The following TRAPPC9 variants were observed in gnomAD, a reference collection of about 807,000 sequenced individuals.
The protein encoded by TRAPPC9 is trafficking protein particle complex subunit 9.
Under a neutral mutation model 124.0 loss-of-function variants are expected in TRAPPC9, and 83 were observed. That is an observed-to-expected ratio of 0.67 (90% CI 0.56 to 0.80). The LOEUF (loss-of-function observed/expected upper bound fraction) is 0.80, where lower values mean the gene tolerates loss of function less well. Among genes scored for constraint, TRAPPC9 ranks in the 30% least tolerant of loss-of-function variants. The pLI, the probability that TRAPPC9 is intolerant of heterozygous loss-of-function variation, is 0.00. For missense variants in TRAPPC9, 1,302 were observed against 1,508.3 expected (o/e 0.86, Z 2.27); for synonymous variants, 638 against 617.5 (o/e 1.03, Z -0.49).
chr8:139,845,754 T>C (rs1160448952), intron 21 of TRAPPC9, among the ~76,000 whole-genome samples: 1 of 152,356 alleles, frequency 6.6e-6, no homozygotes, highest in East Asian at 1.9e-4. Context: ...TGCCTCTCGA[T>C]TTTAATGTGA....
In TRAPPC9 at chr8:139,835,812, G is replaced by A. The variant is rs184446161; in HGVS notation, c.3055+50067C>T. Among the ~76,000 whole-genome samples the A allele has an allele frequency of 9.2e-5, 14 of 151,960 alleles. No homozygotes were observed. The South Asian group carries it at 1.2e-3, about 14-fold the overall frequency. ...CTTCCCTAGAAAGCCCACAGAATCC[G>A]TTACAAAAAGGATGAGGCTCCGAGG... On this transcript the variant is annotated intron_variant, in intron 21 of 22. Transcript: ENST00000438773.
intron 12 of TRAPPC9, 115 bp from the exon 13 acceptor site, chr8:140,287,849 C>A: frequency 6.9e-7 from 1 of 1,441,860 alleles, no homozygotes; most frequent in East Asian, 2.3e-5. Context: ...AATAAAATCA[C>A]CAACAGTCTT....
At chr8:140,413,111 G>A (rs765444990) in intron 5 of TRAPPC9, among the ~76,000 whole-genome samples, 6 of 152,116 alleles carry the variant, frequency 3.9e-5, no homozygotes, top group Non-Finnish European at 8.8e-5. Context: ...CACCCGGGTC[G>A]GGCACGGTGG....
chr8:140,098,321 G>A (rs2060494805), intron 17 of TRAPPC9: 1 of 151,514 alleles, frequency 6.6e-6, no homozygotes, highest in Non-Finnish European at 1.5e-5. Flanking sequence ...ACCCAGCTAG[G>A]TCTCCGTGCG....
At chr8:139,804,305 ACCACCACCAC>A in intron 21 of TRAPPC9, among the ~76,000 whole-genome samples, 1 of 111,144 alleles carries the variant, frequency 9.0e-6, no homozygotes, top group African/African-American at 3.6e-5. Flanking sequence ...ACCACACACA[ACCACCACCAC>A]CCACCACCGC....
chr8:140,441,015 G>A (rs574956147), intron 2 of TRAPPC9, among the ~76,000 whole-genome samples: 4 of 103,110 alleles, frequency 3.9e-5, no homozygotes, highest in Non-Finnish European at 5.5e-5. Flanking sequence ...GTCTTATTCT[G>A]CTGCCCAGGC....
chr8:140,137,455 C>CTCACGT (rs2061322628), intron 17 of TRAPPC9, among the ~76,000 whole-genome samples: 2 of 151,638 alleles, frequency 1.3e-5, no homozygotes, highest in Admixed American at 1.3e-4. Flanking sequence ...CACTCTGGAG[C>CTCACGT]GGGTAGTGAG....
chr8:139,840,522 C>G (rs540910920), intron 21 of TRAPPC9, among the ~76,000 whole-genome samples: 1 of 152,196 alleles, frequency 6.6e-6, no homozygotes, highest in Non-Finnish European at 1.5e-5. Context: ...GGAAACTGCA[C>G]GACTCAAATT....
intron 21 of TRAPPC9, among the ~76,000 whole-genome samples, chr8:139,740,619 T>C (rs565829256): frequency 7.2e-5 from 11 of 152,260 alleles, no homozygotes; most frequent in African/African-American, 2.4e-4. Flanking sequence ...CTGGGCCCCA[T>C]GCGGGCCCTG....
intron 19 of TRAPPC9, among the ~76,000 whole-genome samples, chr8:139,920,846 AT>A (rs1291709197): frequency 6.6e-6 from 1 of 152,226 alleles, no homozygotes; most frequent in East Asian, 1.9e-4. Context: ...CATTGACAAA[AT>A]CTCAGCTCCT....
At chr8:139,868,299 T>C (rs1052702220) in intron 21 of TRAPPC9, among the ~76,000 whole-genome samples, 1 of 152,188 alleles carries the variant, frequency 6.6e-6, no homozygotes, top group African/African-American at 2.4e-5. Flanking sequence ...GAGGCTGCAG[T>C]GAGCCAAGAT....
At chr8:140,233,465 A>T (rs1231342514) in intron 16 of TRAPPC9, among the ~76,000 whole-genome samples, 1 of 151,924 alleles carries the variant, frequency 6.6e-6, no homozygotes, top group Non-Finnish European at 1.5e-5. Flanking sequence ...CAGCCTCTCA[A>T]AGTACTGGGA....
chr8:140,170,307 A>G (rs1328729789), intron 17 of TRAPPC9, among the ~76,000 whole-genome samples: 1 of 152,156 alleles, frequency 6.6e-6, no homozygotes, highest in Admixed American at 6.5e-5. Context: ...ACTCTACCAA[A>G]GGAGACAGTA....
intron 21 of TRAPPC9, among the ~76,000 whole-genome samples, chr8:139,847,678 C>A (rs772601968): frequency 2.0e-5 from 3 of 151,752 alleles, no homozygotes; most frequent in Non-Finnish European, 2.9e-5. Flanking sequence ...GGCATGAGCA[C>A]CTGCCTTCCC....
At chr8:140,370,297 G>A (rs2068244492) in intron 8 of TRAPPC9, among the ~76,000 whole-genome samples, 1 of 151,904 alleles carries the variant, frequency 6.6e-6, no homozygotes, top group Non-Finnish European at 1.5e-5. Flanking sequence ...ACGCCACCAT[G>A]CCCAGCTAAT....
chr8:139,845,763 G>A (rs1827036371), intron 21 of TRAPPC9, among the ~76,000 whole-genome samples: 1 of 152,236 alleles, frequency 6.6e-6, no homozygotes, highest in Non-Finnish European at 1.5e-5. Context: ...ATTTTAATGT[G>A]ACGGAGACCT....
Position 140,360,188 on chromosome 8 carries a change from G to T in TRAPPC9, c.1357C>A (p.His453Asn). ...ATCTGGACCGCAGCCCAGCCTCTGT[G>T]CGTGCCTGCGATGGAAGTTACAAAA... ...LDPKDFSRGT[H>N]RGWAAVQMRL... The change falls in exon 9 of 23, where the codon CAC becomes AAC. Residue 453 changes from histidine to asparagine, a missense_variant. By Grantham distance (68) the His-to-Asn change is moderately conservative. Around this residue, in one of 3 missense-constraint regions of TRAPPC9, gnomAD observed 657 missense variants for 811.2 expected, o/e 0.81. Coordinates refer to ENST00000438773, the MANE Select transcript of TRAPPC9 (RefSeq NM_001160372.4). 1 of 1,614,194 alleles carries T rather than the reference G, an allele frequency of 6.2e-7. No individual in the cohort carries two copies. The highest frequency in any genetic ancestry group is 8.5e-7 in the Non-Finnish European group (1 of 1,180,032).
intron 17 of TRAPPC9, among the ~76,000 whole-genome samples, chr8:140,145,511 T>C (rs180707059): frequency 2.6e-5 from 4 of 152,342 alleles, no homozygotes; most frequent in African/African-American, 7.2e-5. Context: ...TGAACTTTAC[T>C]GAATTATTCT....
chr8:139,947,568 C>T (rs1428203442), intron 19 of TRAPPC9, among the ~76,000 whole-genome samples: 2 of 151,816 alleles, frequency 1.3e-5, no homozygotes, highest in Non-Finnish European at 2.9e-5. Context: ...ATTAAAAATA[C>T]AGTATTAAGG....
Sources: gnomAD v4.1 joint callset for allele counts (sites outside exome capture counted in the v4.1 genomes callset) on GRCh38, gnomAD v4.1.1 for gene constraint, gnomAD v4.1.1 regional missense constraint, MANE v1.5 for transcripts, NCBI Gene and HGNC (gene_info 2026-07-23, HGNC 2026-07-21) for gene names.